Variants in PEX5L observed in about 807,000 individuals in gnomAD.
PEX5L encodes peroxisomal biogenesis factor 5 like.
PEX5L carries 30 observed loss-of-function variants against 84.0 expected under a neutral mutation model. The observed-to-expected ratio is 0.36, with a 90% CI of 0.27 to 0.48. PEX5L has a LOEUF of 0.48. Ranked by LOEUF, PEX5L falls within the 20% of genes least tolerant of loss-of-function variation. The pLI, the probability that PEX5L is intolerant of heterozygous loss-of-function variation, is 0.99. For synonymous variants in PEX5L, 270 were observed against 283.1 expected, an observed-to-expected ratio of 0.95 and a Z score of 0.46; for missense variants, 533 against 754.6, an observed-to-expected ratio of 0.71 and a Z score of 3.44.
At chr3:179,886,981 G>A (rs1236740257) in intron 4 of PEX5L, among the ~76,000 whole-genome samples, 1 of 152,110 alleles carries the variant, frequency 6.6e-6, no homozygotes, top group African/African-American at 2.4e-5. Flanking sequence ...TGTGAATGCT[G>A]ACCAAATGAA....
At chr3:179,830,981 T>C (rs574951885) in intron 8 of PEX5L, among the ~76,000 whole-genome samples, 2 of 152,184 alleles carry the variant, frequency 1.3e-5, no homozygotes, top group East Asian at 1.9e-4. Flanking sequence ...CTCGGGGCTA[T>C]TATGTAAGTA....
intron 1 of PEX5L, among the ~76,000 whole-genome samples, chr3:179,975,328 G>A (rs1235933385): frequency 1.3e-5 from 2 of 152,194 alleles, no homozygotes; most frequent in South Asian, 4.1e-4. Flanking sequence ...AGTAACTCCT[G>A]TTCATTGCAG....
intron 2 of PEX5L, among the ~76,000 whole-genome samples, chr3:179,948,657 T>C (rs1011907824): frequency 2.0e-5 from 3 of 152,184 alleles, no homozygotes; most frequent in African/African-American, 7.2e-5. Context: ...CTTTCAAAAC[T>C]GGGTAGGTGC....
chr3:179,825,685 GGCT>G lies in PEX5L; in HGVS notation c.823-5712_823-5710del, dbSNP rs1425444330. Among the ~76,000 whole-genome samples the G allele has an allele frequency of 2.6e-5, 4 of 152,286 alleles. No homozygotes were observed. In the East Asian group the frequency reaches 5.8e-4, roughly 22 times the overall value. Reference sequence around the variant, plus strand: ...ATGGGCTTTGGCCTCAGGTAAAACAGGCTGTAATTCTGGCTAGGCTCCTTGTCA... The same window carrying G: ...ATGGGCTTTGGCCTCAGGTAAAACAGGTAATTCTGGCTAGGCTCCTTGTCA... On this transcript the variant is annotated intron_variant, in intron 8 of 14. Coordinates refer to ENST00000467460, the MANE Select transcript of PEX5L (RefSeq NM_016559.3).
intron 7 of PEX5L, among the ~76,000 whole-genome samples, chr3:179,860,247 C>T (rs1004711566): frequency 5.9e-5 from 9 of 152,308 alleles, no homozygotes; most frequent in South Asian, 2.1e-4. Flanking sequence ...TGCCCACATA[C>T]GCCTAAGGGC....
chr3:180,025,232 T>C (rs368480516), intron 1 of PEX5L, among the ~76,000 whole-genome samples: 15 of 152,300 alleles, frequency 9.8e-5, no homozygotes, highest in Admixed American at 3.9e-4. Flanking sequence ...GTGTGTATCT[T>C]AGCATCACGG....
chr3:179,884,125 G>A (rs1025528670), intron 4 of PEX5L, among the ~76,000 whole-genome samples: 2 of 152,178 alleles, frequency 1.3e-5, no homozygotes, highest in African/African-American at 2.4e-5. Flanking sequence ...GCAATATTAA[G>A]TAACTTGTCC....
intron 4 of PEX5L, among the ~76,000 whole-genome samples, chr3:179,886,152 A>G (rs1254626795): frequency 6.6e-6 from 1 of 152,230 alleles, no homozygotes; most frequent in Non-Finnish European, 1.5e-5. Context: ...GAGCATGAAG[A>G]GGAAGTTTGC....
chr3:179,865,147 AAAC>A (rs1419500221), intron 7 of PEX5L, among the ~76,000 whole-genome samples: 1 of 152,202 alleles, frequency 6.6e-6, no homozygotes, highest in Non-Finnish European at 1.5e-5. Context: ...TTGCCACTTA[AAAC>A]AACAAGTGCA....
At chr3:179,961,364 TA>T (rs34322140) in intron 2 of PEX5L, among the ~76,000 whole-genome samples, 113,571 of 150,012 alleles carry the variant, frequency 0.76, 43,069 homozygotes, top group East Asian at 0.92. Flanking sequence ...CAATGGAGCA[TA>T]AAAAAAAAAA....
At chr3:179,847,327 T>C (rs578253738) in intron 8 of PEX5L, among the ~76,000 whole-genome samples, 5 of 152,232 alleles carry the variant, frequency 3.3e-5, no homozygotes, top group Admixed American at 6.5e-5. Context: ...TACAGCTATA[T>C]CTCCTCTTGG....
intron 8 of PEX5L, among the ~76,000 whole-genome samples, chr3:179,841,133 G>C (rs1200793704): frequency 6.6e-6 from 1 of 152,120 alleles, no homozygotes; most frequent in Non-Finnish European, 1.5e-5. Context: ...CCCATTGCTT[G>C]GCACAGAGCC....
intron 1 of PEX5L, among the ~76,000 whole-genome samples, chr3:180,015,453 A>C (rs1789860921): frequency 6.6e-6 from 1 of 152,178 alleles, no homozygotes; most frequent in South Asian, 2.1e-4. Flanking sequence ...CAGAAGAAAA[A>C]TGTTTCCTAT....
At chr3:179,999,127 G>T (rs1788156714) in intron 1 of PEX5L, among the ~76,000 whole-genome samples, 2 of 152,198 alleles carry the variant, frequency 1.3e-5, no homozygotes, top group African/African-American at 4.8e-5. Flanking sequence ...TGTAGCCAAT[G>T]GTTTGGCTGG....
chr3:179,935,153 C>A (rs768400452), intron 2 of PEX5L, among the ~76,000 whole-genome samples: 1 of 151,102 alleles, frequency 6.6e-6, no homozygotes, highest in Non-Finnish European at 1.5e-5. Context: ...AACATGCTAC[C>A]CTAGTCACAA....
At chr3:179,986,003 T>C (rs1455974988) in intron 1 of PEX5L, among the ~76,000 whole-genome samples, 4 of 152,104 alleles carry the variant, frequency 2.6e-5, no homozygotes, top group Non-Finnish European at 5.9e-5. Context: ...TGGATGTGGA[T>C]GTTTCTGCAG....
Position 179,805,139 on chromosome 3 carries a change from C to T in PEX5L, c.1676+2535G>A, listed in dbSNP as rs563450279. On this transcript the variant is annotated intron_variant, in intron 14 of 14. Coordinates refer to ENST00000467460, the MANE Select transcript of PEX5L (RefSeq NM_016559.3). ...TCAAAAAAAAAAATTACGTCTCACT[C>T]GATGGTCTTTTTTTTTTTTTTTTTT... 2.6e-4 allele frequency among the ~76,000 whole-genome samples: 37 copies of T among 140,154 alleles called. 1 individual carries two copies. In the East Asian group the frequency reaches 6.5e-3, roughly 25 times the overall value. The allele number at this position is 140,154 out of a possible 152,430, so 91.9% of individuals were successfully genotyped here.
At chr3:179,904,461 C>T (rs191577056) in intron 2 of PEX5L, among the ~76,000 whole-genome samples, 1 of 152,224 alleles carries the variant, frequency 6.6e-6, no homozygotes, top group African/African-American at 2.4e-5. Context: ...TCTAAGCCTC[C>T]ACTTATGAAC....
chr3:179,873,400 C>A (rs1411762192), intron 7 of PEX5L, among the ~76,000 whole-genome samples: 2 of 151,936 alleles, frequency 1.3e-5, no homozygotes, highest in Admixed American at 1.3e-4. Flanking sequence ...CACTTATTTT[C>A]CTTAAACACT....
Sources: allele counts gnomAD v4.1 joint callset (sites outside exome capture counted in the v4.1 genomes callset), GRCh38; gene constraint gnomAD v4.1.1; transcripts MANE v1.5; gene names NCBI Gene and HGNC (gene_info 2026-07-23, HGNC 2026-07-21).